The following C8orf74 variants were observed in gnomAD, a reference collection of about 807,000 sequenced individuals.
The protein encoded by C8orf74 is uncharacterized protein C8orf74.
In C8orf74, 29 loss-of-function variants were observed where a neutral mutation model predicts 22.2. The observed-to-expected ratio is 1.31, with a 90% CI of 0.97 to 1.78. The LOEUF (loss-of-function observed/expected upper bound fraction) is 1.78. Ranked by LOEUF, C8orf74 falls within the 40% of genes most tolerant of loss-of-function variation. The pLI is 0.00. For synonymous variants in C8orf74, 255 were observed against 163.1 expected (o/e 1.56, Z -4.30); for missense variants, 515 against 369.9 (o/e 1.39, Z -3.22).
At chr8:10,698,209 G>A (rs1252735364) in intron 3 of C8orf74, among the ~76,000 whole-genome samples, 2 of 152,206 alleles carry the variant, frequency 1.3e-5, no homozygotes, top group Non-Finnish European at 2.9e-5. Flanking sequence ...GACGACTGAG[G>A]CGCAGAGAAC....
intron 2 of C8orf74, among the ~76,000 whole-genome samples, chr8:10,693,143 T>G (rs572175003): frequency 6.6e-6 from 1 of 152,326 alleles, no homozygotes; most frequent in South Asian, 2.1e-4. Context: ...GCTCCTTGCC[T>G]GCAGATCTCC....
chr8:10,689,642 A>G (rs1799332577), intron 2 of C8orf74: 1 of 152,220 alleles, frequency 6.6e-6, no homozygotes, highest in Non-Finnish European at 1.5e-5. Flanking sequence ...TTACTTACTC[A>G]TAGCCTACCG....
At chr8:10,697,198 G>T (rs987845151) in intron 2 of C8orf74, among the ~76,000 whole-genome samples, 2 of 152,196 alleles carry the variant, frequency 1.3e-5, no homozygotes, top group South Asian at 4.1e-4. Flanking sequence ...CAGTACTTTA[G>T]GAGGCCGAGG....
chr8:10,673,099 G>C (rs1179293955), intron 1 of C8orf74, among the ~76,000 whole-genome samples: 2 of 152,120 alleles, frequency 1.3e-5, no homozygotes, highest in Non-Finnish European at 2.9e-5. Flanking sequence ...CAGTGGAAGA[G>C]GAGTCTCTGG....
chr8:10,687,227 G>C, intron 2 of C8orf74: 1 of 412,268 alleles, frequency 2.4e-6, no homozygotes, highest in Non-Finnish European at 5.0e-6. Context: ...GCATGCTGTC[G>C]CCTAATCTCA....
Position 10,697,941 on chromosome 8 carries a change from A to G in C8orf74, c.584A>G (p.Asn195Ser). The G allele has an allele frequency of 6.3e-7, 1 of 1,579,032 alleles. No individual in the cohort carries two copies. The highest frequency in any genetic ancestry group is 8.6e-7 in the Non-Finnish European group (1 of 1,163,444). Residue 195 changes from asparagine (N) to serine (S), a missense_variant, in exon 3 of 4, where the codon AAC becomes AGC. By Grantham distance (46) the Asn-to-Ser change is conservative. Transcript: ENST00000304519. ...LKEALRLERENSLQKAFAAAA... is the reference protein window; with the variant it reads ...LKEALRLERESSLQKAFAAAA... ...GAGGCGCTGCGCCTGGAGCGGGAGA[A>G]CTCGCTGCAGAAGGCGTTCGCTGCC...
intron 2 of C8orf74, among the ~76,000 whole-genome samples, chr8:10,685,739 G>A (rs1207964809): frequency 6.6e-6 from 1 of 152,168 alleles, no homozygotes. Flanking sequence ...GCAAAATAAT[G>A]TGAATGTTCT....
At chr8:10,685,550 T>G (rs1255898434) in intron 2 of C8orf74, among the ~76,000 whole-genome samples, 1 of 152,086 alleles carries the variant, frequency 6.6e-6, no homozygotes, top group Non-Finnish European at 1.5e-5. Flanking sequence ...TGCAAAAGAA[T>G]AAATATCGTA....
intron 2 of C8orf74, among the ~76,000 whole-genome samples, chr8:10,678,275 C>T (rs1313610928): frequency 6.6e-6 from 1 of 152,180 alleles, no homozygotes; most frequent in East Asian, 1.9e-4. Context: ...GATGCAGGAT[C>T]ACTCTCCACC....
At chr8:10,676,354 G>A (rs1799032107) in intron 2 of C8orf74, among the ~76,000 whole-genome samples, 1 of 152,044 alleles carries the variant, frequency 6.6e-6, no homozygotes, top group South Asian at 2.1e-4. Flanking sequence ...ACACCTCAAT[G>A]TCCTTCTCTA....
rs1799436267 is a variant in C8orf74, at chr8:10,693,921, G to A, written c.242-3678G>A. Among the ~76,000 whole-genome samples, 3 of 152,210 alleles carry A rather than the reference G, an allele frequency of 2.0e-5. No individual in the cohort carries two copies. The South Asian group carries it at 6.2e-4, about 32-fold the overall frequency. ...CCACCCACCTCTCCATGCAGCTCTT[G>A]CCATCATCTGCCTCCACCTTTAGGT... On this transcript the variant is annotated intron_variant, in intron 2 of 3. Transcript: ENST00000304519.
At chr8:10,673,980 A>T (rs1191637974) in intron 1 of C8orf74, among the ~76,000 whole-genome samples, 8 of 79,996 alleles carry the variant, frequency 1.0e-4, no homozygotes, top group Middle Eastern at 7.2e-3. Context: ...CACAACCCCC[A>T]TATCATACCC....
intron 2 of C8orf74, among the ~76,000 whole-genome samples, chr8:10,690,424 C>G (rs1330740100): frequency 6.6e-6 from 1 of 152,040 alleles, no homozygotes; most frequent in African/African-American, 2.4e-5. Context: ...ATGCGGCGTG[C>G]GGGGGATGAA....
intron 2 of C8orf74, chr8:10,675,442 C>T (rs1799013073): frequency 6.6e-6 from 1 of 152,344 alleles, no homozygotes; most frequent in South Asian, 2.1e-4. Flanking sequence ...CTCTCTGGGG[C>T]TGCCCTCACA....
chr8:10,674,903 C>G, intron 2 of C8orf74, 65 bp downstream of exon 2: 1 of 1,361,176 alleles, frequency 7.3e-7, no homozygotes, highest in Non-Finnish European at 1.0e-6. Context: ...ACATAGAACT[C>G]CCCTGCCGTC....
intron 2 of C8orf74, chr8:10,688,349 G>A (rs1799305169): frequency 6.6e-6 from 1 of 152,122 alleles, no homozygotes; most frequent in African/African-American, 2.4e-5. Context: ...AAAAGACAAA[G>A]AAAGAGAACA....
chr8:10,682,685 A>G (rs1237391908), intron 2 of C8orf74, among the ~76,000 whole-genome samples: 1 of 152,198 alleles, frequency 6.6e-6, no homozygotes, highest in African/African-American at 2.4e-5. Context: ...GGGGATTAGG[A>G]CCTCAACACG....
Position 10,697,478 on chromosome 8 carries a change from T to C in C8orf74, c.242-121T>C. 7.7e-6 allele frequency: 6 copies of C among 774,648 alleles called. No homozygotes were observed. In the South Asian group the frequency reaches 1.0e-4, roughly 13 times the overall value. The allele number at this position is 774,648 out of a possible 1,614,324, so 48.0% of individuals were successfully genotyped here. On this transcript the variant is annotated intron_variant, in intron 2 of 3. Transcript: ENST00000304519. ...AAAATAAATAGAAATAAATATTTTT[T>C]AAAAATGCAGTGGGGACATGGGCTC...
In C8orf74 at chr8:10,700,296, T is replaced by G. The variant is rs1318382308; in HGVS notation, c.710T>G (p.Leu237Arg). 2 of 1,613,622 alleles carry G rather than the reference T, an allele frequency of 1.2e-6. No homozygotes were observed. The highest frequency in any genetic ancestry group is 8.5e-7 in the Non-Finnish European group (1 of 1,179,632). ...CAGATGGAGCTCCTGCAGGAGCTGC[T>G]GCAGCGCCAGATCCAGAACACATTC... Reference protein sequence around the residue: ...HTQMELLQELLQRQIQNTFAI... With the variant: ...HTQMELLQELRQRQIQNTFAI... The change falls in exon 4 of 4, where the codon CTG becomes CGG. Residue 237 changes from leucine to arginine, a missense_variant. Transcript: ENST00000304519.
Sources: allele counts gnomAD v4.1 joint callset (sites outside exome capture counted in the v4.1 genomes callset), GRCh38; gene constraint gnomAD v4.1.1; transcripts MANE v1.5; gene names NCBI Gene and HGNC (gene_info 2026-07-23, HGNC 2026-07-21).